GHR: variants seen among roughly 807,000 people sequenced by gnomAD.
The protein encoded by GHR is growth hormone receptor, also known as GH receptor.
Under a neutral mutation model 67.1 loss-of-function variants are expected in GHR, and 35 were observed. The observed-to-expected ratio is 0.52, with a 90% CI of 0.40 to 0.69. The LOEUF is 0.69. GHR is among the 30% of genes least tolerant of loss of function. The pLI, the probability that GHR is intolerant of heterozygous loss-of-function variation, is 0.00. For synonymous variants in GHR, 272 were observed against 269.1 expected (o/e 1.01, Z -0.10); for missense variants, 792 against 764.6 (o/e 1.04, Z -0.42).
At chr5:42,462,622 CT>C (rs1020778423) in intron 1 of GHR, among the ~76,000 whole-genome samples, 1 of 151,796 alleles carries the variant, frequency 6.6e-6, no homozygotes, top group African/African-American at 2.4e-5. Flanking sequence ...AAGCAATTTT[CT>C]TTTTTTGTTT....
chr5:42,468,087 T>A, intron 1 of GHR: 1 of 1,037,826 alleles, frequency 9.6e-7, no homozygotes, highest in Non-Finnish European at 1.5e-6. Flanking sequence ...TCCTCACGTA[T>A]CTCAGTTTTT....
chr5:42,569,929 AT>A (rs1211662343), intron 2 of GHR, among the ~76,000 whole-genome samples: 1 of 152,008 alleles, frequency 6.6e-6, no homozygotes, highest in African/African-American at 2.4e-5. Context: ...CCCCAAAATA[AT>A]TTTTTCTGTA....
intron 8 of GHR, chr5:42,713,817 C>G (rs955282701): frequency 3.0e-6 from 1 of 328,630 alleles, no homozygotes; most frequent in Non-Finnish European, 5.8e-6. Context: ...AGAGCTAGCT[C>G]TTTCCCTCAA....
chr5:42,445,414 A>G (rs1743765551), intron 1 of GHR, among the ~76,000 whole-genome samples: 3 of 152,212 alleles, frequency 2.0e-5, no homozygotes, highest in East Asian at 1.9e-4. Context: ...GTCCTAAAGC[A>G]TTAGTAGTGA....
intron 4 of GHR, among the ~76,000 whole-genome samples, chr5:42,691,497 C>A (rs1248588971): frequency 6.6e-6 from 1 of 152,192 alleles, no homozygotes; most frequent in Non-Finnish European, 1.5e-5. Context: ...AATGCACTTT[C>A]TGACTCTTAT....
chr5:42,605,595 C>G (rs1478720945), intron 2 of GHR, among the ~76,000 whole-genome samples: 2 of 152,214 alleles, frequency 1.3e-5, no homozygotes, highest in African/African-American at 4.8e-5. Context: ...AAGCTGGGAG[C>G]TGGACTTTAT....
At chr5:42,451,337 T>C (rs181216827) in intron 1 of GHR, among the ~76,000 whole-genome samples, 1 of 152,298 alleles carries the variant, frequency 6.6e-6, no homozygotes, top group East Asian at 1.9e-4. Flanking sequence ...ATATTTATGA[T>C]TGTGATATTT....
intron 1 of GHR, among the ~76,000 whole-genome samples, chr5:42,513,714 G>A (rs1747121494): frequency 6.6e-6 from 1 of 151,996 alleles, no homozygotes; most frequent in Non-Finnish European, 1.5e-5. Flanking sequence ...CTCGGGAGGC[G>A]GAGGTTGTGG....
chr5:42,594,428 C>T (rs1395174812), intron 2 of GHR, among the ~76,000 whole-genome samples: 2 of 152,152 alleles, frequency 1.3e-5, no homozygotes, highest in Non-Finnish European at 1.5e-5. Flanking sequence ...AATCCCAAAC[C>T]TTCCTATCAC....
At chr5:42,574,133 G>C (rs1750500227) in intron 2 of GHR, among the ~76,000 whole-genome samples, 2 of 152,210 alleles carry the variant, frequency 1.3e-5, no homozygotes, top group Non-Finnish European at 2.9e-5. Context: ...GTTGGAGCAA[G>C]AAGAGCCATG....
chr5:42,657,811 G>A (rs184939035), intron 3 of GHR, among the ~76,000 whole-genome samples: 8 of 152,146 alleles, frequency 5.3e-5, no homozygotes, highest in African/African-American at 1.7e-4. Context: ...CTTTTATAGT[G>A]GAGTCTTGCT....
intron 1 of GHR, among the ~76,000 whole-genome samples, chr5:42,530,382 A>G (rs2112337424): frequency 6.6e-6 from 1 of 152,258 alleles, no homozygotes; most frequent in Non-Finnish European, 1.5e-5. Flanking sequence ...GGGAGCCTTT[A>G]CCTCTGAAAT....
intron 1 of GHR, among the ~76,000 whole-genome samples, chr5:42,498,420 A>G (rs187847699): frequency 6.6e-6 from 1 of 152,318 alleles, no homozygotes; most frequent in Admixed American, 6.5e-5. Flanking sequence ...AGGCAATTCT[A>G]CCCACATTAT....
chr5:42,623,011 A>C (rs1753530408), intron 2 of GHR, among the ~76,000 whole-genome samples: 1 of 152,200 alleles, frequency 6.6e-6, no homozygotes, highest in South Asian at 2.1e-4. Context: ...TAATGTAAAC[A>C]CAATGTCAAG....
At chr5:42,474,807 A>G (rs754424600) in intron 1 of GHR, among the ~76,000 whole-genome samples, 8 of 149,812 alleles carry the variant, frequency 5.3e-5, no homozygotes, top group Non-Finnish European at 1.0e-4. Flanking sequence ...TGTTTACAAT[A>G]TATTTTTTCT....
In GHR at chr5:42,718,205, C is replaced by CTA. The variant is rs1345326554; in HGVS notation, c.945+92_945+93dup. The CTA allele has an allele frequency of 4.4e-4, 353 of 794,260 alleles. 1 individual carries two copies. The highest frequency in any genetic ancestry group is 5.5e-4 in the Non-Finnish European group (248 of 454,262). 49.2% of individuals were successfully genotyped at this position (794,260 alleles called of 1,614,324 possible). On this transcript the variant is annotated intron_variant, in intron 9 of 9. Transcript: ENST00000230882. ...TCATATGTTGAAGGTTTTCTGTAAGCTATATATATCACATTCAATTTTCTT... is the reference window on the plus strand; with the variant it reads ...TCATATGTTGAAGGTTTTCTGTAAGCTATATATATATCACATTCAATTTTCTT...
At chr5:42,665,637 C>G (rs1444673898) in intron 3 of GHR, among the ~76,000 whole-genome samples, 1 of 151,856 alleles carries the variant, frequency 6.6e-6, no homozygotes, top group Non-Finnish European at 1.5e-5. Flanking sequence ...AGGAGATATA[C>G]CTAATGCTAA....
At chr5:42,622,239 C>G (rs983426752) in intron 2 of GHR, among the ~76,000 whole-genome samples, 2 of 152,168 alleles carry the variant, frequency 1.3e-5, no homozygotes, top group Admixed American at 6.5e-5. Context: ...AAAGCCTCAG[C>G]AACCTGGCTT....
At chr5:42,667,284 A>T (rs1365736764) in intron 3 of GHR, among the ~76,000 whole-genome samples, 1 of 152,160 alleles carries the variant, frequency 6.6e-6, no homozygotes, top group Non-Finnish European at 1.5e-5. Flanking sequence ...GCTAACACAG[A>T]CACAGTCAAC....
Sources: gnomAD v4.1 joint callset for allele counts (sites outside exome capture counted in the v4.1 genomes callset) on GRCh38, gnomAD v4.1.1 for gene constraint, MANE v1.5 for transcripts, NCBI Gene and HGNC (gene_info 2026-07-23, HGNC 2026-07-21) for gene names.